The following MYO9A variants were observed in gnomAD, a reference collection of about 807,000 sequenced individuals.
MYO9A encodes the protein myosin IXA.
Under a neutral mutation model 293.3 loss-of-function variants are expected in MYO9A, and 103 were observed. The ratio of observed to expected loss-of-function variants is 0.35; its 90% CI spans 0.30 to 0.41. The LOEUF (loss-of-function observed/expected upper bound fraction) is 0.41, where lower values mean the gene tolerates loss of function less well. MYO9A is among the 10% of genes least tolerant of loss of function. The probability of loss-of-function intolerance (pLI) is 1.00; values close to 1 mark genes in which losing one functional copy is unlikely to be tolerated. For synonymous variants in MYO9A, 1,001 were observed against 1,035.7 expected (o/e 0.97, Z 0.64); for missense variants, 2,685 against 3,033.0 (o/e 0.89, Z 2.69).
chr15:71,946,148 T>C (rs1300192321), intron 15 of MYO9A, among the ~76,000 whole-genome samples: 3 of 152,214 alleles, frequency 2.0e-5, no homozygotes, highest in African/African-American at 7.2e-5. Context: ...ATTACAAAGT[T>C]ATATTGGTCT....
chr15:71,834,734 G>A (rs896627921), intron 39 of MYO9A, among the ~76,000 whole-genome samples: 2 of 151,996 alleles, frequency 1.3e-5, no homozygotes, highest in African/African-American at 4.8e-5. Context: ...CCACTGCACT[G>A]CAGCCTGGGT....
chr15:71,950,520 T>C (rs933950361), intron 15 of MYO9A: 2 of 152,210 alleles, frequency 1.3e-5, no homozygotes, highest in Non-Finnish European at 2.9e-5. Context: ...AAAGACAGAA[T>C]AGGAAGATGA....
chr15:71,826,913 CAG>C lies in MYO9A; in HGVS notation c.7312_7313del (p.Leu2438ValfsTer2). ...TCCCATGAGATGATGCCGTGTTAGA[CAG>C]ACATAAAGAGGAGACCGAAGAGTCC... Reference protein sequence around the residue: ...VVDSSVSSLCLSNTASSHGTR... With the variant: ...VVDSSVSSLCXSNTASSHGTR... On this transcript the variant is annotated frameshift_variant, in exon 42 of 42. Coordinates refer to ENST00000356056, the MANE Select transcript of MYO9A (RefSeq NM_006901.4). LOFTEE classifies it high-confidence loss of function. The C allele has an allele frequency of 1.2e-6, 2 of 1,614,082 alleles. No homozygotes were observed. The highest frequency in any genetic ancestry group is 1.7e-6 in the Non-Finnish European group (2 of 1,179,970).
chr15:71,917,833 A>T (rs1245960483), intron 18 of MYO9A, among the ~76,000 whole-genome samples: 1 of 152,220 alleles, frequency 6.6e-6, no homozygotes, highest in Non-Finnish European at 1.5e-5. Flanking sequence ...AAACATGACA[A>T]ATTTTCAAGT....
intron 8 of MYO9A, among the ~76,000 whole-genome samples, chr15:72,003,018 C>T (rs1364250081): frequency 1.3e-5 from 2 of 151,964 alleles, no homozygotes; most frequent in African/African-American, 4.8e-5. Flanking sequence ...GCCTGTAATC[C>T]CAGCACTTTG....
chr15:72,062,883 G>A (rs528350648), intron 1 of MYO9A, among the ~76,000 whole-genome samples: 6 of 152,312 alleles, frequency 3.9e-5, no homozygotes, highest in African/African-American at 1.2e-4. Context: ...TTAACTGGAT[G>A]TGGTGGCACA....
intron 13 of MYO9A, among the ~76,000 whole-genome samples, chr15:71,964,498 C>T (rs996787653): frequency 2.0e-5 from 3 of 151,484 alleles, no homozygotes; most frequent in Non-Finnish European, 4.4e-5. Context: ...AATACAAAAA[C>T]TGGCTGGGCG....
At chr15:71,957,340 A>C (rs2146874460) in intron 14 of MYO9A, among the ~76,000 whole-genome samples, 1 of 152,258 alleles carries the variant, frequency 6.6e-6, no homozygotes, top group Non-Finnish European at 1.5e-5. Flanking sequence ...AGTTGTTTTG[A>C]CAATTTTTGC....
chr15:71,975,479 A>G (rs1220879713), intron 12 of MYO9A, among the ~76,000 whole-genome samples: 2 of 147,640 alleles, frequency 1.4e-5, no homozygotes, highest in Non-Finnish European at 3.0e-5. Flanking sequence ...CCCTTGGTGT[A>G]GTCTTTTGTT....
intron 22 of MYO9A, among the ~76,000 whole-genome samples, chr15:71,901,804 A>G (rs909508076): frequency 1.7e-4 from 26 of 152,298 alleles, no homozygotes; most frequent in African/African-American, 5.3e-4. Flanking sequence ...TAAATGTATT[A>G]CTGGTAATAA....
chr15:72,091,913 T>C (rs193112084), intron 1 of MYO9A, among the ~76,000 whole-genome samples: 109 of 152,250 alleles, frequency 7.2e-4, no homozygotes, highest in African/African-American at 2.5e-3. Flanking sequence ...AGACGGGGTT[T>C]CACTGTGTTA....
intron 33 of MYO9A, among the ~76,000 whole-genome samples, chr15:71,862,169 TG>T (rs927468283): frequency 1.3e-5 from 2 of 151,898 alleles, no homozygotes; most frequent in Non-Finnish European, 2.9e-5. Context: ...GGGGACAAGG[TG>T]GCATTTAAAC....
chr15:72,041,514 T>G (rs2078225197), intron 2 of MYO9A: 1 of 351,042 alleles, frequency 2.8e-6, no homozygotes, highest in South Asian at 2.3e-5. Context: ...TTTTCCAGTT[T>G]TGGAAGTTAA....
At chr15:71,914,545 G>A (rs1247218827) in intron 19 of MYO9A, among the ~76,000 whole-genome samples, 1 of 152,074 alleles carries the variant, frequency 6.6e-6, no homozygotes, top group Non-Finnish European at 1.5e-5. Context: ...AGAATAATTG[G>A]AGAAGAACTT....
At chr15:72,005,194 A>T (rs1210004546) in intron 8 of MYO9A, among the ~76,000 whole-genome samples, 2 of 152,214 alleles carry the variant, frequency 1.3e-5, no homozygotes, top group African/African-American at 4.8e-5. Flanking sequence ...ATACACAAGA[A>T]GAAATTTAAG....
chr15:71,823,637 A>C lies in MYO9A; in HGVS notation c.*2943T>G, dbSNP rs758115127. 2.0e-5 allele frequency: 3 copies of C among 152,232 alleles called. No homozygotes were observed. The highest frequency in any genetic ancestry group is 4.4e-5 in the Non-Finnish European group (3 of 68,042). 9.4% of individuals were successfully genotyped at this position (152,232 alleles called of 1,614,324 possible). A position where few individuals can be genotyped will look rare whatever the true frequency, so the allele number is the denominator to read the frequency against. On this transcript the variant is annotated 3_prime_UTR_variant, in exon 42 of 42. Coordinates refer to ENST00000356056, the MANE Select transcript of MYO9A (RefSeq NM_006901.4). Reference sequence around the variant, plus strand: ...TGCTTCAATTTGTGATACAGAATGAAATCACACTTCTCTGCTTTTGTTACA... The same window carrying C: ...TGCTTCAATTTGTGATACAGAATGACATCACACTTCTCTGCTTTTGTTACA...
chr15:72,100,568 C>T (rs1247788831), intron 1 of MYO9A, among the ~76,000 whole-genome samples: 3 of 151,384 alleles, frequency 2.0e-5, no homozygotes, highest in Non-Finnish European at 4.4e-5. Context: ...CGTCTCTGCC[C>T]GGCCGCCCAT....
chr15:71,913,299 G>T (rs2057914541), intron 19 of MYO9A, among the ~76,000 whole-genome samples: 1 of 151,906 alleles, frequency 6.6e-6, no homozygotes, highest in African/African-American at 2.4e-5. Context: ...ATCTCTAAAA[G>T]TTCCATTTGA....
chr15:71,933,933 TAAAC>T (rs1404441730), intron 17 of MYO9A, among the ~76,000 whole-genome samples: 2 of 152,114 alleles, frequency 1.3e-5, no homozygotes, highest in Admixed American at 6.5e-5. Context: ...TATATAAGTA[TAAAC>T]AGATTTACAC....
Sources: gnomAD v4.1 joint callset for allele counts (sites outside exome capture counted in the v4.1 genomes callset) on GRCh38, gnomAD v4.1.1 for gene constraint, MANE v1.5 for transcripts, NCBI Gene and HGNC (gene_info 2026-07-23, HGNC 2026-07-21) for gene names.